The following ZNF804B variants were observed in gnomAD, a reference collection of about 807,000 sequenced individuals.
ZNF804B encodes the protein zinc finger 804B.
Under a neutral mutation model 101.4 loss-of-function variants are expected in ZNF804B, and 80 were observed. The observed-to-expected ratio is 0.79, with a 90% CI of 0.66 to 0.95. ZNF804B has a LOEUF of 0.95. ZNF804B is among the 40% of genes least tolerant of loss of function. ZNF804B has a pLI of 0.00. For synonymous variants in ZNF804B, 622 were observed against 558.8 expected (o/e 1.11, Z -1.59); for missense variants, 1,673 against 1,561.9 (o/e 1.07, Z -1.20).
intron 1 of ZNF804B, among the ~76,000 whole-genome samples, chr7:88,797,430 C>T (rs892366406): frequency 1.3e-5 from 2 of 152,138 alleles, no homozygotes; most frequent in Non-Finnish European, 2.9e-5. Context: ...TTACAAAGTC[C>T]TCCCTGCTTT....
At chr7:89,264,373 T>A (rs1363667363) in intron 2 of ZNF804B, among the ~76,000 whole-genome samples, 2 of 152,208 alleles carry the variant, frequency 1.3e-5, no homozygotes, top group Admixed American at 1.3e-4. Context: ...GTATCACATA[T>A]CTCAAACTAA....
At chr7:88,993,222 G>A (rs1793873747) in intron 1 of ZNF804B, among the ~76,000 whole-genome samples, 1 of 151,984 alleles carries the variant, frequency 6.6e-6, no homozygotes, top group South Asian at 2.1e-4. Context: ...CCATTAGGAA[G>A]AAGGTATGAA....
At chr7:89,262,816 G>T (rs1789730133) in intron 2 of ZNF804B, among the ~76,000 whole-genome samples, 1 of 151,896 alleles carries the variant, frequency 6.6e-6, no homozygotes, top group Admixed American at 6.6e-5. Context: ...TTGTACAATT[G>T]CTTAGTCTTA....
At chr7:89,223,940 T>C (rs1404855832) in intron 2 of ZNF804B, among the ~76,000 whole-genome samples, 1 of 151,938 alleles carries the variant, frequency 6.6e-6, no homozygotes, top group Non-Finnish European at 1.5e-5. Context: ...TATAATCACT[T>C]AGATAAAGAC....
At position 89,298,212 on chromosome 7, in the gene ZNF804B, G is replaced by A. The variant is rs1182018040; in HGVS notation, c.250-29132G>A. Among the ~76,000 whole-genome samples the A allele has an allele frequency of 1.1e-4, 7 of 65,268 alleles. No homozygotes were observed. In the South Asian group the frequency reaches 3.7e-3, roughly 35 times the overall value. The allele number at this position is 65,268 out of a possible 152,430, so 42.8% of individuals were successfully genotyped here. ...ATATATATCTATATAGTGTGTGTGT[G>A]TGTGTATATATATATATATATATAT... is the stretch of plus-strand genomic sequence containing the variant. On this transcript the variant is annotated intron_variant, in intron 2 of 3. Transcript: ENST00000333190.
intron 1 of ZNF804B, among the ~76,000 whole-genome samples, chr7:88,956,861 A>G (rs1344020508): frequency 6.6e-6 from 1 of 151,482 alleles, no homozygotes; most frequent in African/African-American, 2.4e-5. Context: ...CTTTTGTTGC[A>G]TACACTTTTC....
intron 1 of ZNF804B, among the ~76,000 whole-genome samples, chr7:88,896,229 T>A (rs1361092190): frequency 1.3e-5 from 2 of 152,184 alleles, no homozygotes; most frequent in African/African-American, 4.8e-5. Flanking sequence ...AGAGTTTAGT[T>A]CATGGTAATT....
intron 2 of ZNF804B, among the ~76,000 whole-genome samples, chr7:89,319,086 G>A (rs1253250649): frequency 2.6e-5 from 4 of 152,160 alleles, no homozygotes; most frequent in Non-Finnish European, 4.4e-5. Context: ...GTGGTTTTCC[G>A]CCCTGGGCAG....
chr7:89,197,578 G>A (rs1788574987), intron 1 of ZNF804B, among the ~76,000 whole-genome samples: 1 of 151,280 alleles, frequency 6.6e-6, no homozygotes, highest in African/African-American at 2.4e-5. Flanking sequence ...CTACTTTTTT[G>A]TAACTGCTAC....
intron 1 of ZNF804B, chr7:88,794,247 C>T: frequency 6.2e-7 from 1 of 1,613,634 alleles, no homozygotes; most frequent in East Asian, 2.2e-5. Flanking sequence ...GTCTATTATA[C>T]ATGTTTATAA....
intron 1 of ZNF804B, among the ~76,000 whole-genome samples, chr7:88,819,135 G>A (rs528373281): frequency 1.3e-5 from 2 of 151,830 alleles, no homozygotes; most frequent in East Asian, 3.9e-4. Flanking sequence ...GTTTTGTTTT[G>A]TTTTTTGAGA....
intron 1 of ZNF804B, among the ~76,000 whole-genome samples, chr7:88,811,197 C>T (rs976124933): frequency 3.9e-5 from 6 of 152,168 alleles, no homozygotes; most frequent in African/African-American, 1.4e-4. Context: ...AAGTGTTGCA[C>T]TGGGGTTGTC....
chr7:88,980,805 A>C (rs1219127806), intron 1 of ZNF804B, among the ~76,000 whole-genome samples: 2 of 151,984 alleles, frequency 1.3e-5, no homozygotes, highest in African/African-American at 2.4e-5. Flanking sequence ...GCCCACAGTG[A>C]CCACTGCCTT....
At chr7:89,289,359 A>AAAC (rs959978132) in intron 2 of ZNF804B, among the ~76,000 whole-genome samples, 4 of 151,808 alleles carry the variant, frequency 2.6e-5, no homozygotes, top group Non-Finnish European at 5.9e-5. Flanking sequence ...AAAAACCAAC[A>AAAC]AACAACAACA....
intron 1 of ZNF804B, among the ~76,000 whole-genome samples, chr7:88,979,181 T>A (rs901112443): frequency 1.3e-5 from 2 of 151,990 alleles, no homozygotes; most frequent in African/African-American, 2.4e-5. Flanking sequence ...CATTTTTTAG[T>A]CTTTCTACTC....
intron 1 of ZNF804B, among the ~76,000 whole-genome samples, chr7:88,870,211 C>A (rs1163552756): frequency 6.6e-6 from 1 of 150,502 alleles, no homozygotes; most frequent in Non-Finnish European, 1.5e-5. Flanking sequence ...ACGGTGAAAC[C>A]CCGTCTCTAC....
intron 1 of ZNF804B, among the ~76,000 whole-genome samples, chr7:89,056,230 A>G (rs1789293820): frequency 6.6e-6 from 1 of 152,088 alleles, no homozygotes; most frequent in African/African-American, 2.4e-5. Context: ...GGTCTCAAAG[A>G]TTCCTTGTCC....
chr7:89,293,955 A>G (rs1055740526), intron 2 of ZNF804B, among the ~76,000 whole-genome samples: 7 of 151,850 alleles, frequency 4.6e-5, no homozygotes, highest in Admixed American at 6.6e-5. Flanking sequence ...GGTTTTGTTA[A>G]AAGTTTGTAC....
chr7:89,239,140 A>G (rs1054237188), intron 2 of ZNF804B, among the ~76,000 whole-genome samples: 12 of 152,136 alleles, frequency 7.9e-5, no homozygotes, highest in African/African-American at 2.9e-4. Flanking sequence ...CTGGAATCTT[A>G]TAAGAGTGAG....
Sources: gnomAD v4.1 joint callset for allele counts (sites outside exome capture counted in the v4.1 genomes callset) on GRCh38, gnomAD v4.1.1 for gene constraint, MANE v1.5 for transcripts, NCBI Gene and HGNC (gene_info 2026-07-23, HGNC 2026-07-21) for gene names.